MACF1: variants seen among roughly 807,000 people sequenced by gnomAD.
The protein encoded by MACF1 is microtubule-actin cross-linking factor 1.
In MACF1, 193 loss-of-function variants were observed where a neutral mutation model predicts 854.8. The ratio of observed to expected loss-of-function variants is 0.23; its 90% CI spans 0.20 to 0.25. The LOEUF is 0.25. Ranked by LOEUF, MACF1 falls within the 10% of genes least tolerant of loss-of-function variation. The pLI is 1.00. For synonymous variants in MACF1, 3,185 were observed against 3,226.7 expected (o/e 0.99, Z 0.44); for missense variants, 7,722 against 8,929.1 (o/e 0.86, Z 5.45).
chr1:39,172,364 T>C (rs1329173408), intron 2 of MACF1, among the ~76,000 whole-genome samples: 1 of 152,188 alleles, frequency 6.6e-6, no homozygotes, highest in Non-Finnish European at 1.5e-5. Context: ...TCAACAAATA[T>C]TTGAGAGCCT....
intron 52 of MACF1, among the ~76,000 whole-genome samples, chr1:39,376,068 C>A (rs1206316346): frequency 6.6e-6 from 1 of 152,142 alleles, no homozygotes; most frequent in Non-Finnish European, 1.5e-5. Context: ...TAAAGAGCTA[C>A]CACCTTTCCA....
chr1:39,326,996 C>T (rs1471541820), intron 35 of MACF1, among the ~76,000 whole-genome samples: 3 of 151,988 alleles, frequency 2.0e-5, no homozygotes, highest in Non-Finnish European at 2.9e-5. Context: ...GAGATGAGGT[C>T]ATTTGAACTA....
chr1:39,364,180 T>C (rs1648468062), intron 49 of MACF1, among the ~76,000 whole-genome samples: 1 of 152,212 alleles, frequency 6.6e-6, no homozygotes, highest in Admixed American at 6.5e-5. Context: ...CAACAAAATT[T>C]ATTATCAAGC....
At chr1:39,294,439 A>G (rs907307609) in intron 18 of MACF1, among the ~76,000 whole-genome samples, 11 of 152,242 alleles carry the variant, frequency 7.2e-5, no homozygotes, top group Non-Finnish European at 1.2e-4. Context: ...CTTAAAAAAT[A>G]TAGGCTTCTT....
At chr1:39,376,214 GT>G (rs1338296378) in intron 52 of MACF1, among the ~76,000 whole-genome samples, 4 of 152,116 alleles carry the variant, frequency 2.6e-5, no homozygotes, top group African/African-American at 9.7e-5. Context: ...GAACATGCAT[GT>G]TTTATTATCA....
At chr1:39,226,341 T>C (rs867467830) in intron 1 of MACF1, among the ~76,000 whole-genome samples, 26 of 148,178 alleles carry the variant, frequency 1.8e-4, no homozygotes, top group Middle Eastern at 3.4e-3. Flanking sequence ...TTATGGATAG[T>C]ATTTTTTTTT....
chr1:39,357,118 A>G (rs1021312409), intron 44 of MACF1, among the ~76,000 whole-genome samples: 2 of 152,204 alleles, frequency 1.3e-5, no homozygotes, highest in Non-Finnish European at 2.9e-5. Context: ...TATAAGTACA[A>G]CTTAAGAGTC....
chr1:39,367,910 C>T (rs1473413077), intron 49 of MACF1, among the ~76,000 whole-genome samples: 1 of 148,798 alleles, frequency 6.7e-6, no homozygotes, highest in Admixed American at 6.8e-5. Flanking sequence ...GCGGAAGTTG[C>T]AGTGAGCCAA....
At chr1:39,112,087 C>CT (rs569400137) in intron 2 of MACF1, among the ~76,000 whole-genome samples, 12,905 of 133,550 alleles carry the variant, frequency 0.097, 930 homozygotes, top group African/African-American at 0.18. Context: ...TTATTCAAAT[C>CT]TTTTTTTTTT....
intron 2 of MACF1, among the ~76,000 whole-genome samples, chr1:39,094,349 C>G (rs891647921): frequency 6.6e-6 from 1 of 151,528 alleles, no homozygotes; most frequent in African/African-American, 2.4e-5. Flanking sequence ...TTGTGGTGAA[C>G]TGAGCTCACG....
chr1:39,453,970 TA>T, intron 88 of MACF1, 120 bp downstream of exon 88: 1 of 1,215,396 alleles, frequency 8.2e-7, no homozygotes, highest in African/African-American at 1.5e-5. Flanking sequence ...CAGCAAAAAT[TA>T]AGTTAACATT....
intron 52 of MACF1, among the ~76,000 whole-genome samples, chr1:39,375,921 GTGTAGA>G (rs1649679835): frequency 6.6e-6 from 1 of 152,244 alleles, no homozygotes; most frequent in Non-Finnish European, 1.5e-5. Context: ...AATGAGAACT[GTGTAGA>G]TGTACAGAGA....
rs41270799 is a variant in MACF1, at chr1:39,282,990, G to A, written c.696-199G>A. The stretch of plus-strand genomic sequence containing the variant: ...GACATTCAACAAACCTAAACTGTAT[G>A]TTTAAGTTTAGCATTAGGGAGCACT... On this transcript the variant is annotated intron_variant, in intron 7 of 100. Coordinates refer to ENST00000564288, the MANE Select transcript of MACF1 (RefSeq NM_001394062.1). 98,350 of 518,732 alleles carry A rather than the reference G, an allele frequency of 0.19. 10,487 individuals are homozygous for A. Among genetic ancestry groups the A allele is most frequent in the Non-Finnish European group, 0.22 (64,829 of 293,836 alleles). 32.1% of individuals were successfully genotyped at this position (518,732 alleles called of 1,614,324 possible). A position where few individuals can be genotyped will look rare whatever the true frequency, so the allele number is the denominator to read the frequency against.
At chr1:39,114,992 A>G (rs367665855) in intron 2 of MACF1, among the ~76,000 whole-genome samples, 5 of 152,186 alleles carry the variant, frequency 3.3e-5, no homozygotes, top group African/African-American at 1.2e-4. Context: ...AATATTGGGC[A>G]TTGATAAGGT....
At chr1:39,322,873 G>T (rs968049966) in intron 32 of MACF1, 37 bp from the exon 33 acceptor site, 1 of 1,579,428 alleles carries the variant, frequency 6.3e-7, no homozygotes, top group African/African-American at 1.3e-5. Context: ...TCATTTTCTG[G>T]CAGACGATTT....
At chr1:39,461,269 G>C (rs1410516146) in intron 92 of MACF1, among the ~76,000 whole-genome samples, 1 of 152,048 alleles carries the variant, frequency 6.6e-6, no homozygotes, top group East Asian at 1.9e-4. Context: ...ATTCCAAACT[G>C]TCACTATTCT....
rs1460588450 is a variant in MACF1 at position 39,460,305 on chromosome 1, T to G, written c.21361-327T>G. On this transcript the variant is annotated intron_variant, in intron 91 of 100. Transcript: ENST00000564288. The surrounding 1 kb of genome is among the most constrained non-coding windows in gnomAD (Gnocchi z 4.1). ...CCTTCTGGGTTAGAATCCATTTCCT[T>G]GCATCTAAGAGAGTGATCCTTTGAA... Among the ~76,000 whole-genome samples, 1 of 152,218 alleles carries G rather than the reference T, an allele frequency of 6.6e-6. No individual in the cohort carries two copies. The highest frequency in any genetic ancestry group is 1.5e-5 in the Non-Finnish European group (1 of 68,030).
rs563675705 is a variant in MACF1 at position 39,348,747 on chromosome 1, G to A, written c.10816-731G>A. Among the ~76,000 whole-genome samples, 3 of 152,298 alleles carry A rather than the reference G, an allele frequency of 2.0e-5. No individual in the cohort carries two copies. In the South Asian group the frequency reaches 6.2e-4, roughly 32 times the overall value. ...CACATCATGCTCAATTGCTCAGTCA[G>A]GTGCTTCAATGTCATACAACTGAGA... On this transcript the variant is annotated intron_variant, in intron 41 of 100. Transcript: ENST00000564288.
rs949616984 is a variant in MACF1 at position 39,322,599 on chromosome 1, C to T, written c.4030-9C>T. ...CTGAGTAACTGTAGCGAAATTCATCCTTTCCTAGGACTATGAATTGCAACT... is the reference window on the plus strand; with the variant it reads ...CTGAGTAACTGTAGCGAAATTCATCTTTTCCTAGGACTATGAATTGCAACT... On this transcript the variant is annotated splice_polypyrimidine_tract_variant and intron_variant, in intron 31 of 100. Transcript: ENST00000564288. 5 of 1,602,924 alleles carry T rather than the reference C, an allele frequency of 3.1e-6. No homozygotes were observed. Among genetic ancestry groups the T allele is most frequent in the Middle Eastern group, 1.6e-4 (1 of 6,064 alleles).
Sources: allele counts gnomAD v4.1 joint callset (sites outside exome capture counted in the v4.1 genomes callset), GRCh38; gene constraint gnomAD v4.1.1; non-coding constraint Gnocchi (gnomAD v3.1); transcripts MANE v1.5; gene names NCBI Gene and HGNC (gene_info 2026-07-23, HGNC 2026-07-21).